GLRX5: variants seen among roughly 807,000 people sequenced by gnomAD.
GLRX5 encodes the protein glutaredoxin-related protein 5, mitochondrial.
In GLRX5, 10 loss-of-function variants were observed where a neutral mutation model predicts 13.8. The ratio of observed to expected loss-of-function variants is 0.72; its 90% CI spans 0.45 to 1.23. GLRX5 has a LOEUF of 1.23. Among genes scored for constraint, GLRX5 ranks in the 50% most tolerant of loss-of-function variants. The probability of loss-of-function intolerance (pLI) is 0.00; values close to 1 mark genes in which losing one functional copy is unlikely to be tolerated. For missense variants in GLRX5, 233 were observed against 215.2 expected (o/e 1.08, Z -0.52); for synonymous variants, 98 against 101.1 (o/e 0.97, Z 0.18).
chr14:95,541,553 T>C (rs2139650619), intron 1 of GLRX5, among the ~76,000 whole-genome samples: 1 of 152,324 alleles, frequency 6.6e-6, no homozygotes, highest in South Asian at 2.1e-4. Flanking sequence ...GGCAGGTGGC[T>C]CATGAGAAGT....
chr14:95,543,795 G>A (rs2139651850), intron 1 of GLRX5, 152 bp from the exon 2 acceptor site: 1 of 687,764 alleles, frequency 1.5e-6, no homozygotes, highest in Middle Eastern at 2.9e-4. Context: ...AAAAACTCAT[G>A]CTCTTAGTGG....
intron 1 of GLRX5, among the ~76,000 whole-genome samples, chr14:95,538,937 G>C (rs1891426539): frequency 6.6e-6 from 1 of 152,238 alleles, no homozygotes; most frequent in African/African-American, 2.4e-5. Context: ...ACTTCTGCAT[G>C]TGTGTGTTAG....
intron 1 of GLRX5, among the ~76,000 whole-genome samples, chr14:95,542,314 G>A (rs749911731): frequency 6.6e-6 from 1 of 152,108 alleles, no homozygotes; most frequent in Non-Finnish European, 1.5e-5. Context: ...CCCTTTATTG[G>A]CAGCTGCCAA....
chr14:95,544,217 G>A lies in GLRX5; in HGVS notation c.*92G>A. ...CTTACCCATTTTGGTTTTCACTATT[G>A]AGACCGCAACTGCTTGCACTGATCA... On this transcript the variant is annotated 3_prime_UTR_variant, in exon 2 of 2. Coordinates refer to ENST00000331334, the MANE Select transcript of GLRX5 (RefSeq NM_016417.3). 1 of 1,030,484 alleles carries A rather than the reference G, an allele frequency of 9.7e-7. No individual in the cohort carries two copies. The highest frequency in any genetic ancestry group is 2.6e-5 in the East Asian group (1 of 38,940). 63.8% of individuals were successfully genotyped at this position (1,030,484 alleles called of 1,614,324 possible).
chr14:95,541,442 C>A (rs1047142041), intron 1 of GLRX5, among the ~76,000 whole-genome samples: 10 of 152,198 alleles, frequency 6.6e-5, no homozygotes, highest in Admixed American at 6.5e-4. Context: ...AGGGTGCCAA[C>A]GTTTGGCCTT....
chr14:95,539,011 A>T (rs1195165054), intron 1 of GLRX5, among the ~76,000 whole-genome samples: 1 of 152,200 alleles, frequency 6.6e-6, no homozygotes, highest in African/African-American at 2.4e-5. Context: ...AGCGGTGGGT[A>T]AGTGAGCTTT....
intron 1 of GLRX5, among the ~76,000 whole-genome samples, chr14:95,539,921 T>TA (rs1891445555): frequency 6.6e-6 from 1 of 151,358 alleles, no homozygotes; most frequent in Non-Finnish European, 1.5e-5. Flanking sequence ...GAGAGAGTGT[T>TA]ACTCTGCTGC....
At position 95,544,017 on chromosome 14, in the gene GLRX5, TGACATTCTTCTGCA is replaced by T; in HGVS notation, c.369_382del (p.Ile124AlafsTer22). On this transcript the variant is annotated frameshift_variant, in exon 2 of 2. Coordinates refer to ENST00000331334, the MANE Select transcript of GLRX5 (RefSeq NM_016417.3). LOFTEE classifies it high-confidence loss of function. ...TCAATGGCGAGTTTGTAGGGGGCTG[TGACATTCTTCTGCA>T]GATGCACCAGAATGGGGACTTGGTG... The T allele has an allele frequency of 6.2e-7, 1 of 1,614,030 alleles. No individual in the cohort carries two copies. Among genetic ancestry groups the T allele is most frequent in the Non-Finnish European group, 8.5e-7 (1 of 1,179,886 alleles).
chr14:95,543,867 G>C, intron 1 of GLRX5, 80 bp from the exon 2 acceptor site: 1 of 1,261,376 alleles, frequency 7.9e-7, no homozygotes, highest in South Asian at 1.2e-5. Flanking sequence ...TCTGCTACTA[G>C]TGGGTCAAAA....
At position 95,537,100 on chromosome 14, in the gene GLRX5, A is replaced by G. The variant is rs149041070; in HGVS notation, c.295+1716A>G. The stretch of plus-strand genomic sequence containing the variant: ...GCAGGGAGTCCCCTGCAAATTGCCA[A>G]TATGGCACTAGTAAAAAAGTGGTGT... On this transcript the variant is annotated intron_variant, in intron 1 of 1. Coordinates refer to ENST00000331334, the MANE Select transcript of GLRX5 (RefSeq NM_016417.3). 1.9e-3 allele frequency among the ~76,000 whole-genome samples: 283 copies of G among 152,312 alleles called. 1 individual carries two copies. Among genetic ancestry groups the G allele is most frequent in the African/African-American group, 6.4e-3 (265 of 41,568 alleles).
At chr14:95,539,693 C>G (rs1367538443) in intron 1 of GLRX5, among the ~76,000 whole-genome samples, 1 of 152,078 alleles carries the variant, frequency 6.6e-6, no homozygotes, top group African/African-American at 2.4e-5. Context: ...GGATATAAAT[C>G]CTGGTTTCAC....
At chr14:95,540,978 C>G (rs925298606) in intron 1 of GLRX5, among the ~76,000 whole-genome samples, 1 of 152,142 alleles carries the variant, frequency 6.6e-6, no homozygotes, top group Non-Finnish European at 1.5e-5. Flanking sequence ...GCATTAGATG[C>G]GTGTAAACTG....
Position 95,544,278 on chromosome 14 carries a change from C to G in GLRX5, c.*153C>G. 2 of 682,080 alleles carry G rather than the reference C, an allele frequency of 2.9e-6. No homozygotes were observed. Among genetic ancestry groups the G allele is most frequent in the Non-Finnish European group, 5.3e-6 (2 of 374,492 alleles). The allele number at this position is 682,080 out of a possible 1,614,324, so 42.3% of individuals were successfully genotyped here. On this transcript the variant is annotated 3_prime_UTR_variant, in exon 2 of 2. Transcript: ENST00000331334. ...TGAGCAGTTGGTGATTTTAGTTGGTCTGGTGTTCGGGCTAAGAATATTTTA... is the reference window on the plus strand; with the variant it reads ...TGAGCAGTTGGTGATTTTAGTTGGTGTGGTGTTCGGGCTAAGAATATTTTA...
chr14:95,543,002 G>A (rs1891496197), intron 1 of GLRX5: 1 of 455,840 alleles, frequency 2.2e-6, no homozygotes, highest in South Asian at 1.5e-5. Context: ...GAATTGAACA[G>A]AGTAGTTGCA....
intron 1 of GLRX5, chr14:95,543,559 T>G (rs1328574987): frequency 3.2e-6 from 1 of 310,936 alleles, no homozygotes; most frequent in East Asian, 8.4e-5. Flanking sequence ...AATTTTGGCC[T>G]TATGTATCTT....
intron 1 of GLRX5, among the ~76,000 whole-genome samples, chr14:95,537,872 C>G (rs935146531): frequency 1.3e-5 from 2 of 152,230 alleles, no homozygotes; most frequent in African/African-American, 4.8e-5. Flanking sequence ...TTCTGGCCTT[C>G]TCAAGACCTT....
At chr14:95,541,208 A>T (rs1374093839) in intron 1 of GLRX5, among the ~76,000 whole-genome samples, 3 of 152,258 alleles carry the variant, frequency 2.0e-5, no homozygotes, top group Non-Finnish European at 4.4e-5. Context: ...CTACCACTGC[A>T]TATTGCAGTT....
At chr14:95,543,193 A>G (rs1352167613) in intron 1 of GLRX5, 4 of 455,888 alleles carry the variant, frequency 8.8e-6, no homozygotes, top group Non-Finnish European at 1.8e-5. Context: ...CTGGGCCTTC[A>G]TTAGACTCAC....
intron 1 of GLRX5, 65 bp downstream of exon 1, chr14:95,535,449 G>A: frequency 2.1e-6 from 3 of 1,442,706 alleles, no homozygotes; most frequent in South Asian, 1.2e-5. Flanking sequence ...GCACGAGGCC[G>A]AGGGGTTCCG....
Sources: gnomAD v4.1 joint callset for allele counts (sites outside exome capture counted in the v4.1 genomes callset) on GRCh38, gnomAD v4.1.1 for gene constraint, MANE v1.5 for transcripts, NCBI Gene and HGNC (gene_info 2026-07-23, HGNC 2026-07-21) for gene names.